ALB: variants seen among roughly 807,000 people sequenced by gnomAD.
The protein encoded by ALB is albumin, also known as serum albumin.
A neutral mutation model predicts 74.5 loss-of-function variants in ALB; 37 were observed. The ratio of observed to expected loss-of-function variants is 0.50; its 90% CI spans 0.38 to 0.65. The LOEUF (loss-of-function observed/expected upper bound fraction) is 0.65, where lower values mean the gene tolerates loss of function less well. Ranked by LOEUF, ALB falls within the 30% of genes least tolerant of loss-of-function variation. The probability of loss-of-function intolerance (pLI) is 0.00; values close to 1 mark genes in which losing one functional copy is unlikely to be tolerated. For missense variants in ALB, 685 were observed against 718.7 expected, an observed-to-expected ratio of 0.95 and a Z score of 0.54; for synonymous variants, 249 against 251.6, an observed-to-expected ratio of 0.99 and a Z score of 0.10.
chr4:73,405,201 T>A, intron 2 of ALB, 28 bp downstream of exon 2: 2 of 1,539,094 alleles, frequency 1.3e-6, no homozygotes, highest in Non-Finnish European at 9.0e-7. Context: ...TGAATCAAAT[T>A]TAATGTTTCT....
chr4:73,404,890 T>A, intron 1 of ALB: 1 of 539,910 alleles, frequency 1.9e-6, no homozygotes, highest in Non-Finnish European at 3.3e-6. Flanking sequence ...AGGCTATAAA[T>A]ATTTAATAAT....
Position 73,418,319 on chromosome 4 carries a change from G to C in ALB, c.1652+8G>C. 1 of 1,607,606 alleles carries C rather than the reference G, an allele frequency of 6.2e-7. No individual in the cohort carries two copies. Among genetic ancestry groups the C allele is most frequent in the East Asian group, 2.2e-5 (1 of 44,836 alleles). On this transcript the variant is annotated splice_region_variant and intron_variant, in intron 12 of 14. Transcript: ENST00000295897. ...ACAAATCAAGAAACAAACGTGAGGA[G>C]TATTTCATTACTGCATGTGTTTGTA...
At chr4:73,416,086 C>T (rs1157036668) in intron 9 of ALB, among the ~76,000 whole-genome samples, 170 bp from the exon 10 acceptor site, 1 of 152,144 alleles carries the variant, frequency 6.6e-6, no homozygotes, top group African/African-American at 2.4e-5. Flanking sequence ...GATGCAAGCT[C>T]ACCAAATAAA....
At position 73,420,287 on chromosome 4, in the gene ALB, T is replaced by G; in HGVS notation, c.1819T>G (p.Leu607Val). The G allele has an allele frequency of 6.2e-7, 1 of 1,612,740 alleles. No individual in the cohort carries two copies. The highest frequency in any genetic ancestry group is 8.5e-7 in the Non-Finnish European group (1 of 1,179,048). The change falls in exon 14 of 15, where the codon TTA (leucine) becomes GTA (valine). Residue 607 changes from leucine to valine, a missense_variant. Transcript: ENST00000295897. The part of the protein sequence containing the change: ...KKLVAASQAA[L>V]GL ...ACTTGTTGCTGCAAGTCAAGCTGCC[T>G]TAGGCTTATAACATCACATTTAAAA...
At chr4:73,408,409 C>T (rs925868888) in intron 3 of ALB, among the ~76,000 whole-genome samples, 185 bp from the exon 4 acceptor site, 9 of 152,158 alleles carry the variant, frequency 5.9e-5, no homozygotes, top group Admixed American at 3.9e-4. Context: ...ACAGTTAATT[C>T]TTATGAAAAT....
At chr4:73,407,052 G>T (rs986155795) in intron 3 of ALB, among the ~76,000 whole-genome samples, 8 of 151,924 alleles carry the variant, frequency 5.3e-5, no homozygotes, top group African/African-American at 1.7e-4. Context: ...TTGAGGTTTG[G>T]TTTCTTTTTG....
intron 10 of ALB, among the ~76,000 whole-genome samples, chr4:73,417,170 A>C (rs1719033118): frequency 6.6e-6 from 1 of 152,212 alleles, no homozygotes; most frequent in Non-Finnish European, 1.5e-5. Flanking sequence ...CTATTGAGTC[A>C]GATATATTTC....
chr4:73,419,259 T>G, intron 12 of ALB: 1 of 442,552 alleles, frequency 2.3e-6, no homozygotes, highest in South Asian at 3.3e-5. Flanking sequence ...ACGTGATGAG[T>G]GGTTTATACT....
At chr4:73,407,748 T>C (rs1718769033) in intron 3 of ALB, among the ~76,000 whole-genome samples, 1 of 152,222 alleles carries the variant, frequency 6.6e-6, no homozygotes, top group Admixed American at 6.5e-5. Context: ...CTTAGTCATG[T>C]TGAAGAACTT....
Position 73,415,070 on chromosome 4 carries a change from A to C in ALB, c.1094A>C (p.Tyr365Ser), listed in dbSNP as rs776487747. The C allele has an allele frequency of 6.2e-7, 1 of 1,614,108 alleles. No homozygotes were observed. Among genetic ancestry groups the C allele is most frequent in the Non-Finnish European group, 8.5e-7 (1 of 1,180,000 alleles). The change falls in exon 9 of 15, where the codon TAC becomes TCC. Residue 365 changes from tyrosine (Y) to serine (S), a missense_variant. Tyr to Ser is a moderately radical substitution (Grantham distance 144). Coordinates refer to ENST00000295897, the MANE Select transcript of ALB (RefSeq NM_000477.7). ...GAATATGCAAGAAGGCATCCTGATTACTCTGTCGTGCTGCTGCTGAGACTT... is the reference window on the plus strand; with the variant it reads ...GAATATGCAAGAAGGCATCCTGATTCCTCTGTCGTGCTGCTGCTGAGACTT... ...LYEYARRHPD[Y>S]SVVLLLRLAK...
intron 1 of ALB, 79 bp from the exon 2 acceptor site, chr4:73,405,037 A>C: frequency 7.3e-7 from 1 of 1,374,540 alleles, no homozygotes; most frequent in Non-Finnish European, 1.0e-6. Context: ...AGTCAAATGG[A>C]AAGAAATATA....
intron 8 of ALB, 136 bp downstream of exon 8, chr4:73,413,770 C>T (rs1306574451): frequency 2.4e-6 from 2 of 841,500 alleles, no homozygotes; most frequent in African/African-American, 3.4e-5. Context: ...CTTTCCCAGG[C>T]TTTAACAATT....
chr4:73,412,082 C>G lies in ALB; in HGVS notation c.800C>G (p.Thr267Arg). The change falls in exon 7 of 15, where the codon ACG becomes AGG. Residue 267 changes from threonine (T) to arginine (R), a missense_variant. Coordinates refer to ENST00000295897, the MANE Select transcript of ALB (RefSeq NM_000477.7). ...KLVTDLTKVH[T>R]ECCHGDLLEC... ...GTGACAGATCTTACCAAAGTCCACA[C>G]GGAATGCTGCCATGGAGATCTGCTT... 1 of 1,614,068 alleles carries G rather than the reference C, an allele frequency of 6.2e-7. No individual in the cohort carries two copies. The highest frequency in any genetic ancestry group is 1.1e-5 in the South Asian group (1 of 91,082).
chr4:73,416,378 T>A (rs775808801), intron 10 of ALB, 25 bp downstream of exon 10: 24 of 1,555,686 alleles, frequency 1.5e-5, no homozygotes, highest in Non-Finnish European at 2.1e-5. Context: ...TTGACTGATT[T>A]TTTTTATCAA....
Position 73,411,830 on chromosome 4 carries a change from C to T in ALB, c.714-166C>T, listed in dbSNP as rs575708951. Among the ~76,000 whole-genome samples the T allele has an allele frequency of 4.6e-5, 7 of 152,230 alleles. No individual in the cohort carries two copies. In the South Asian group the frequency reaches 8.3e-4, roughly 18 times the overall value. On this transcript the variant is annotated intron_variant, in intron 6 of 14. Transcript: ENST00000295897. The stretch of plus-strand genomic sequence containing the variant: ...ACACTCTTAAATGGATAATTCTGCC[C>T]TAAGGATAAGTGATTACCATTTGGT...
rs772811062 is a variant in ALB, at chr4:73,412,132, AGTC to A, written c.843+12_843+14del. 2.9e-5 allele frequency: 47 copies of A among 1,613,874 alleles called. No homozygotes were observed. Among genetic ancestry groups the A allele is most frequent in the Non-Finnish European group, 3.6e-5 (42 of 1,179,954 alleles). ...TGAATGTGCTGATGACAGGGTAAAGAGTCGTCGATATGCTTTTTGGTAGCTTGC... is the reference window on the plus strand; with the variant it reads ...TGAATGTGCTGATGACAGGGTAAAGAGTCGATATGCTTTTTGGTAGCTTGC... On this transcript the variant is annotated splice_region_variant and intron_variant, in intron 7 of 14. Coordinates refer to ENST00000295897, the MANE Select transcript of ALB (RefSeq NM_000477.7).
chr4:73,420,922 C>T, intron 14 of ALB, 170 bp from the exon 15 acceptor site: 2 of 508,344 alleles, frequency 3.9e-6, no homozygotes, highest in Non-Finnish European at 6.9e-6. Flanking sequence ...GTCCCCTTGC[C>T]TAGCCCAACA....
chr4:73,416,351 T>A lies in ALB; in HGVS notation c.1287T>A (p.Asn429Lys), dbSNP rs780586176. The A allele has an allele frequency of 6.2e-7, 1 of 1,611,174 alleles. No individual in the cohort carries two copies. The highest frequency in any genetic ancestry group is 8.5e-7 in the Non-Finnish European group (1 of 1,178,154). ...FEQLGEYKFQ[N>K]ALLVRYTKKV... is the part of the protein sequence containing the mutation. ...AGCTTGGAGAGTACAAATTCCAGAATGCGTAAGTAATTTTTATTGACTGAT... is the reference window on the plus strand; with the variant it reads ...AGCTTGGAGAGTACAAATTCCAGAAAGCGTAAGTAATTTTTATTGACTGAT... The change falls in exon 10 of 15, where the codon AAT (asparagine) becomes AAA (lysine). Residue 429 changes from asparagine (N) to lysine (K), a missense_variant and splice_region_variant. Transcript: ENST00000295897.
intron 6 of ALB, among the ~76,000 whole-genome samples, chr4:73,411,509 GA>G (rs1470605762): frequency 1.3e-5 from 2 of 152,126 alleles, no homozygotes; most frequent in African/African-American, 2.4e-5. Flanking sequence ...TTTCAATTGA[GA>G]AAAAAGATAA....
Sources: gnomAD v4.1 joint callset for allele counts (sites outside exome capture counted in the v4.1 genomes callset) on GRCh38, gnomAD v4.1.1 for gene constraint, MANE v1.5 for transcripts, NCBI Gene and HGNC (gene_info 2026-07-23, HGNC 2026-07-21) for gene names.